PYHIN1: variants seen among roughly 807,000 people sequenced by gnomAD.
PYHIN1 encodes pyrin and HIN domain-containing protein 1.
In PYHIN1, 32 loss-of-function variants were observed where a neutral mutation model predicts 43.7. The observed-to-expected ratio is 0.73, with a 90% CI of 0.55 to 0.98. The LOEUF is 0.98. Among genes scored for constraint, PYHIN1 ranks in the 50% least tolerant of loss-of-function variants. The pLI is 0.00. For synonymous variants in PYHIN1, 205 were observed against 203.1 expected, an observed-to-expected ratio of 1.01 and a Z score of -0.08; for missense variants, 588 against 589.5, an observed-to-expected ratio of 1.00 and a Z score of 0.03.
At chr1:158,964,449 ATTTAAAAATGTTAAAGACAGC>A (rs1650502003) in intron 7 of PYHIN1, among the ~76,000 whole-genome samples, 1 of 152,192 alleles carries the variant, frequency 6.6e-6, no homozygotes, top group African/African-American at 2.4e-5. Flanking sequence ...GTCGAAATGA[ATTTAAAAATGTTAAAGACAGC>A]TAGAGAGAAG....
rs1469449398 is a variant in PYHIN1, at chr1:158,942,102, A to G, written c.705A>G (p.Gln235=). Residue 235 remains glutamine (Q), a synonymous_variant, in exon 5 of 9, where the codon CAA becomes CAG. Coordinates refer to ENST00000368140, the MANE Select transcript of PYHIN1 (RefSeq NM_152501.5). The part of the protein sequence containing the change: ...VFKYESSENE[Q]RRMFHATVAT... ...AATATGAATCCTCAGAAAATGAGCA[A>G]AGAAGAATGTTTCATGCTACAGTGG... 6.2e-7 allele frequency: 1 copy of G among 1,614,060 alleles called. No homozygotes were observed. The highest frequency in any genetic ancestry group is 1.3e-5 in the African/African-American group (1 of 74,940).
At chr1:158,954,781 G>A (rs1649811983) in intron 7 of PYHIN1, among the ~76,000 whole-genome samples, 1 of 151,042 alleles carries the variant, frequency 6.6e-6, no homozygotes, top group Non-Finnish European at 1.5e-5. Context: ...TGGACTAAAT[G>A]CTCCAATTAA....
At chr1:158,972,480 T>A (rs145666566) in intron 7 of PYHIN1, among the ~76,000 whole-genome samples, 5 of 152,178 alleles carry the variant, frequency 3.3e-5, no homozygotes, top group African/African-American at 1.2e-4. Flanking sequence ...AAATCATTCC[T>A]GACCTAAAGA....
intron 7 of PYHIN1, among the ~76,000 whole-genome samples, chr1:158,951,000 T>C (rs1649502161): frequency 1.3e-5 from 2 of 152,192 alleles, no homozygotes; most frequent in African/African-American, 2.4e-5. Context: ...AACGGATACA[T>C]GTACATATCT....
At chr1:158,973,016 G>T (rs1053902987) in intron 7 of PYHIN1, among the ~76,000 whole-genome samples, 10 of 152,094 alleles carry the variant, frequency 6.6e-5, no homozygotes, top group African/African-American at 2.4e-4. Context: ...GTTGGACTGT[G>T]TAGTCACCTG....
intron 5 of PYHIN1, 37 bp from the exon 6 acceptor site, chr1:158,943,753 A>G (rs776240198): frequency 6.6e-7 from 1 of 1,517,044 alleles, no homozygotes; most frequent in Non-Finnish European, 9.1e-7. Context: ...GGTAGTTACT[A>G]TGTTCTCACA....
chr1:158,942,320 C>T lies in PYHIN1; in HGVS notation c.923C>T (p.Ala308Val), dbSNP rs749503455. 5.0e-6 allele frequency: 8 copies of T among 1,613,066 alleles called. No individual in the cohort carries two copies. The African/African-American group carries it at 9.4e-5, about 19-fold the overall frequency. ...FEVPKDIIRRAKKIPKINILH... is the reference protein window; with the variant it reads ...FEVPKDIIRRVKKIPKINILH... ...GTTCCAAAGGACATCATCAGAAGAG[C>T]AAAGAAAATTCCGAAGATCAATATT... The change falls in exon 5 of 9, where the codon GCA (alanine) becomes GTA (valine). Residue 308 changes from alanine to valine, a missense_variant. Ala to Val is a moderately conservative substitution (Grantham distance 64). Coordinates refer to ENST00000368140, the MANE Select transcript of PYHIN1 (RefSeq NM_152501.5).
At chr1:158,974,795 G>A (rs553303153) in intron 8 of PYHIN1, among the ~76,000 whole-genome samples, 2 of 152,110 alleles carry the variant, frequency 1.3e-5, no homozygotes, top group African/African-American at 4.8e-5. Context: ...AAGCTAGCAC[G>A]TCCTCTTTAG....
At chr1:158,989,078 C>G in the PYHIN1 span, among the ~76,000 whole-genome samples, 2,403 of 152,246 alleles carry the variant, frequency 0.016, 67 homozygotes, top group African/African-American at 0.055. Flanking sequence ...CTGTCTGGTT[C>G]TTCCCTTTTA....
At chr1:158,935,689 C>A (rs925029578) in intron 1 of PYHIN1, among the ~76,000 whole-genome samples, 2 of 152,100 alleles carry the variant, frequency 1.3e-5, no homozygotes, top group South Asian at 2.1e-4. Context: ...TGTAGTGCTG[C>A]GGCAGAAAGT....
rs770395166 is a variant in PYHIN1 at position 158,937,181 on chromosome 1, T to A, written c.265+6T>A. 32 of 1,567,378 alleles carry A rather than the reference T, an allele frequency of 2.0e-5. No individual in the cohort carries two copies. The highest frequency in any genetic ancestry group is 2.7e-5 in the Non-Finnish European group (31 of 1,159,684). ...TAAAAGAGAAAAGTTAAAAGGTAATTGGGAAGAGGGAACACCCACTCCCTG... is the reference window on the plus strand; with the variant it reads ...TAAAAGAGAAAAGTTAAAAGGTAATAGGGAAGAGGGAACACCCACTCCCTG... On this transcript the variant is annotated splice_donor_region_variant and intron_variant, in intron 2 of 8. Coordinates refer to ENST00000368140, the MANE Select transcript of PYHIN1 (RefSeq NM_152501.5).
At chr1:158,950,827 G>C (rs1321646546) in intron 7 of PYHIN1, among the ~76,000 whole-genome samples, 1 of 152,134 alleles carries the variant, frequency 6.6e-6, no homozygotes, top group African/African-American at 2.4e-5. Flanking sequence ...TGGAATGTTG[G>C]CTATTCCACA....
At chr1:158,969,946 A>G (rs1650842828) in intron 7 of PYHIN1, among the ~76,000 whole-genome samples, 1 of 151,818 alleles carries the variant, frequency 6.6e-6, no homozygotes, top group South Asian at 2.1e-4. Flanking sequence ...TTGGTGACCC[A>G]CTCCAAGGTT....
rs540293336 is a variant in PYHIN1, at chr1:158,939,389, T to TGG, written c.579+142_579+143insGG. 2.0e-5 allele frequency: 31 copies of TGG among 1,583,114 alleles called. No individual in the cohort carries two copies. The African/African-American group carries it at 2.4e-4, about 12-fold the overall frequency. Reference sequence around the variant, plus strand: ...ACTGAGAATTCACTGCATTTTAATCTTTTGCTTCCACAGGCATATTTGATG... The same window carrying TGG: ...ACTGAGAATTCACTGCATTTTAATCTGGTTTGCTTCCACAGGCATATTTGATG... On this transcript the variant is annotated intron_variant, in intron 4 of 8. Transcript: ENST00000368140.
chr1:158,964,656 G>T (rs1650519661), intron 7 of PYHIN1, among the ~76,000 whole-genome samples: 1 of 152,060 alleles, frequency 6.6e-6, no homozygotes, highest in Non-Finnish European at 1.5e-5. Context: ...AAATGAAAAA[G>T]AAATGAGATC....
chr1:158,939,568 C>G lies in PYHIN1; in HGVS notation c.579+321C>G, dbSNP rs146556617. The G allele has an allele frequency of 7.3e-6, 11 of 1,508,486 alleles. No homozygotes were observed. The East Asian group carries it at 2.5e-4, about 34-fold the overall frequency. 93.4% of individuals were successfully genotyped at this position (1,508,486 alleles called of 1,614,324 possible). A position where few individuals can be genotyped will look rare whatever the true frequency, so the allele number is the denominator to read the frequency against. ...CATTCCCTTTGCTCACTAATTTGTTCAAGTTTCTCTGACATACACCATGCT... is the reference window on the plus strand; with the variant it reads ...CATTCCCTTTGCTCACTAATTTGTTGAAGTTTCTCTGACATACACCATGCT... On this transcript the variant is annotated intron_variant, in intron 4 of 8. Coordinates refer to ENST00000368140, the MANE Select transcript of PYHIN1 (RefSeq NM_152501.5).
intron 2 of PYHIN1, among the ~76,000 whole-genome samples, chr1:158,938,173 G>A (rs1294405942): frequency 2.0e-5 from 3 of 152,188 alleles, no homozygotes; most frequent in Non-Finnish European, 2.9e-5. Context: ...TGTTCTCACT[G>A]CACAGGGGAG....
At chr1:158,961,558 G>A (rs1029358566) in intron 7 of PYHIN1, among the ~76,000 whole-genome samples, 1 of 152,028 alleles carries the variant, frequency 6.6e-6, no homozygotes, top group African/African-American at 2.4e-5. Context: ...ATGGAGAATA[G>A]AGAAGAGTGA....
downstream of PYHIN1, among the ~76,000 whole-genome samples, chr1:158,981,425 T>C (rs79535577): frequency 0.041 from 6,271 of 152,188 alleles, 353 homozygotes; most frequent in East Asian, 0.26. Flanking sequence ...AAGCCAAGAT[T>C]GTGCCATTGC....
Sources: allele counts gnomAD v4.1 joint callset (sites outside exome capture counted in the v4.1 genomes callset), GRCh38; gene constraint gnomAD v4.1.1; transcripts MANE v1.5; gene names NCBI Gene and HGNC (gene_info 2026-07-23, HGNC 2026-07-21).